Variants in LITAF observed in about 807,000 individuals in gnomAD.
LITAF encodes the protein lipopolysaccharide-induced tumor necrosis factor-alpha factor.
In LITAF, 9 loss-of-function variants were observed where a neutral mutation model predicts 14.5. The observed-to-expected ratio is 0.62, with a 90% CI of 0.37 to 1.08. The LOEUF (loss-of-function observed/expected upper bound fraction) is 1.08, where lower values mean the gene tolerates loss of function less well. LITAF is among the 50% of genes least tolerant of loss of function. The pLI, the probability that LITAF is intolerant of heterozygous loss-of-function variation, is 0.01. For missense variants in LITAF, 206 were observed against 213.4 expected, an observed-to-expected ratio of 0.97 and a Z score of 0.22; for synonymous variants, 98 against 88.2, an observed-to-expected ratio of 1.11 and a Z score of -0.62.
intron 1 of LITAF, chr16:11,561,454 C>G (rs2064364822): frequency 6.6e-6 from 1 of 152,230 alleles, no homozygotes; most frequent in Non-Finnish European, 1.5e-5. Context: ...CGGCCACCGC[C>G]TCTCCCCCTT....
At chr16:11,555,438 A>T (rs2064252734) in intron 2 of LITAF, among the ~76,000 whole-genome samples, 1 of 152,138 alleles carries the variant, frequency 6.6e-6, no homozygotes, top group Non-Finnish European at 1.5e-5. Flanking sequence ...AGGTGGGAAG[A>T]TCGTTTGAGC....
At chr16:11,589,784 A>AG (rs1259894715), upstream of LITAF, among the ~76,000 whole-genome samples, 3 of 116,936 alleles carry the variant, frequency 2.6e-5, no homozygotes, top group African/African-American at 4.2e-5. Context: ...GTGCCCAGCT[A>AG]GTTTTTTTTT....
chr16:11,552,673 A>T (rs1343340344), intron 3 of LITAF, among the ~76,000 whole-genome samples: 1 of 152,182 alleles, frequency 6.6e-6, no homozygotes, highest in East Asian at 1.9e-4. Context: ...GGGGACGGAT[A>T]CGCTTAAGAG....
At chr16:11,592,359 A>G (rs2064852339) in intron 1 of LITAF, among the ~76,000 whole-genome samples, 1 of 152,066 alleles carries the variant, frequency 6.6e-6, no homozygotes. Flanking sequence ...GCGGCTCACC[A>G]GAGGTCAGGA....
chr16:11,600,672 C>A (rs924076740), upstream of LITAF, among the ~76,000 whole-genome samples: 2 of 152,116 alleles, frequency 1.3e-5, no homozygotes, highest in Non-Finnish European at 2.9e-5. This position sits in a 1 kb window ranked among gnomAD's most constrained non-coding sequence, Gnocchi z 4.1. Flanking sequence ...TTCATTTTAA[C>A]CTTTTTGCAA....
chr16:11,556,672 G>A lies in LITAF; in HGVS notation c.59C>T (p.Pro20Leu). ...AGCCACTGTCTCTTCATAGGATGGA[G>A]GTGCGGATGGTGCTGAGGAAGGCCC... ...ATGPSSAPSA[P>L]PSYEETVAVN... is the part of the protein sequence containing the mutation. The change falls in exon 2 of 4, where the codon CCT becomes CTT. Residue 20 changes from proline (P) to leucine (L), a missense_variant. Pro to Leu is a moderately conservative substitution (Grantham distance 98, BLOSUM62 -3). Transcript: ENST00000622633. The A allele has an allele frequency of 6.2e-7, 1 of 1,614,222 alleles. No individual in the cohort carries two copies. The highest frequency in any genetic ancestry group is 2.2e-5 in the East Asian group (1 of 44,880).
At chr16:11,614,617 T>TA (rs377175162) in intron 3 of LITAF, among the ~76,000 whole-genome samples, 1 of 151,538 alleles carries the variant, frequency 6.6e-6, no homozygotes, top group African/African-American at 2.4e-5. Context: ...GGTTTTTTTT[T>TA]AAGATGGGGT....
intron 1 of LITAF, among the ~76,000 whole-genome samples, chr16:11,577,922 C>T (rs1413140796): frequency 2.0e-5 from 3 of 151,406 alleles, no homozygotes; most frequent in Non-Finnish European, 4.4e-5. Context: ...TGGGGTCTTG[C>T]TCATTCCACT....
At position 11,551,976 on chromosome 16, in the gene LITAF, G is replaced by A. The variant is rs9923564; in HGVS notation, c.377+1557C>T. On this transcript the variant is annotated intron_variant, in intron 3 of 3. Transcript: ENST00000622633. The stretch of plus-strand genomic sequence containing the variant: ...AGAATGAAAACAACAGCAGAGTCCT[G>A]TGGGCAAGAGGGGGAATCAGGTGCC... Among the ~76,000 whole-genome samples the A allele has an allele frequency of 0.084, 12,775 of 151,680 alleles. 894 individuals carry two copies. Among genetic ancestry groups the A allele is most frequent in the African/African-American group, 0.19 (7,952 of 41,282 alleles).
rs1433884775 is a variant in LITAF at position 11,605,453 on chromosome 16, G to C, written c.85+28080C>G. Reference sequence around the variant, plus strand: ...CCCTGGGCTCCCTTCACAGTGTGGGGGACCCCTTCCCAGCCCCGTGTCTCT... The same window carrying C: ...CCCTGGGCTCCCTTCACAGTGTGGGCGACCCCTTCCCAGCCCCGTGTCTCT... On this transcript the variant is annotated intron_variant, in intron 3 of 3. Transcript: ENST00000574848. The surrounding 1 kb of genome is among the most constrained non-coding windows in gnomAD (Gnocchi z 4.7). 6.6e-6 allele frequency among the ~76,000 whole-genome samples: 1 copy of C among 152,266 alleles called. No individual in the cohort carries two copies. The highest frequency in any genetic ancestry group is 1.9e-4 in the East Asian group (1 of 5,178).
upstream of LITAF, among the ~76,000 whole-genome samples, chr16:11,601,293 C>T (rs1373041153): frequency 1.3e-5 from 2 of 151,498 alleles, no homozygotes; most frequent in African/African-American, 4.9e-5. Flanking sequence ...CATTCCCCCA[C>T]CCAACCCCAT....
upstream of LITAF, chr16:11,587,483 T>C (rs1476366573): frequency 2.2e-6 from 1 of 453,752 alleles, no homozygotes; most frequent in East Asian, 6.9e-5. Flanking sequence ...CTCGGCTTCC[T>C]GTCTGCAAAA....
At chr16:11,556,111 C>T (rs1195888596) in intron 2 of LITAF, among the ~76,000 whole-genome samples, 1 of 152,186 alleles carries the variant, frequency 6.6e-6, no homozygotes, top group African/African-American at 2.4e-5. Context: ...AACACAATCA[C>T]ACATTGCTCA....
chr16:11,623,591 C>T (rs1163375439), intron 3 of LITAF, among the ~76,000 whole-genome samples: 2 of 151,584 alleles, frequency 1.3e-5, no homozygotes, highest in East Asian at 1.9e-4. Context: ...ACCCAGGAGG[C>T]AGAGGTTGTG....
At chr16:11,593,097 G>C (rs1013625997) in intron 1 of LITAF, among the ~76,000 whole-genome samples, 7 of 152,148 alleles carry the variant, frequency 4.6e-5, no homozygotes, top group African/African-American at 1.7e-4. Flanking sequence ...CATGAACCCC[G>C]GAGGAGGAGC....
chr16:11,564,923 T>C (rs1459955433), intron 1 of LITAF, among the ~76,000 whole-genome samples: 4 of 151,724 alleles, frequency 2.6e-5, no homozygotes, highest in South Asian at 2.1e-4. Context: ...TGGGGTTCTT[T>C]TGGGGATGAT....
intron 1 of LITAF, among the ~76,000 whole-genome samples, chr16:11,571,321 C>T (rs2064538461): frequency 6.6e-6 from 1 of 152,166 alleles, no homozygotes; most frequent in African/African-American, 2.4e-5. Context: ...CCTGCCTCGG[C>T]CTCCCAAAGT....
intron 1 of LITAF, chr16:11,584,397 A>C (rs1487430077): frequency 6.6e-6 from 1 of 152,062 alleles, no homozygotes; most frequent in African/African-American, 2.4e-5. Flanking sequence ...GCTATTATAC[A>C]CCTCTGAGCA....
At position 11,562,009 on chromosome 16, in the gene LITAF, C is replaced by T. The variant is rs570813996; in HGVS notation, c.-5-5274G>A. 6.6e-5 allele frequency among the ~76,000 whole-genome samples: 10 copies of T among 152,102 alleles called. No homozygotes were observed. The South Asian group carries it at 1.2e-3, about 19-fold the overall frequency. On this transcript the variant is annotated intron_variant, in intron 1 of 3. Coordinates refer to ENST00000622633, the MANE Select transcript of LITAF (RefSeq NM_001136472.2). ...TCATAGCTCGCCACAGCCTGAAACT[C>T]GTAGACTCAAACAATCCTCCTGTCT...
Sources: gnomAD v4.1 joint callset for allele counts (sites outside exome capture counted in the v4.1 genomes callset) on GRCh38, gnomAD v4.1.1 for gene constraint, Gnocchi (gnomAD v3.1) non-coding constraint, MANE v1.5 for transcripts, NCBI Gene and HGNC (gene_info 2026-07-23, HGNC 2026-07-21) for gene names.